Variants in RGS17 observed in about 807,000 individuals in gnomAD.
RGS17 encodes the protein regulator of G-protein signaling 17.
In RGS17, 12 loss-of-function variants were observed where a neutral mutation model predicts 25.5. That is an observed-to-expected ratio of 0.47 (90% CI 0.30 to 0.76). The LOEUF (loss-of-function observed/expected upper bound fraction) is 0.76, where lower values mean the gene tolerates loss of function less well. Ranked by LOEUF, RGS17 falls within the 30% of genes least tolerant of loss-of-function variation. RGS17 has a pLI of 0.07. For missense variants in RGS17, 196 were observed against 242.2 expected (o/e 0.81, Z 1.27); for synonymous variants, 71 against 76.9 (o/e 0.92, Z 0.40).
Position 153,007,942 on chromosome 6 carries a change from G to C in RGS17, c.*3632C>G, listed in dbSNP as rs1417984265. 1 of 151,972 alleles carries C rather than the reference G, an allele frequency of 6.6e-6. No individual in the cohort carries two copies. Among genetic ancestry groups the C allele is most frequent in the Non-Finnish European group, 1.5e-5 (1 of 67,954 alleles). 9.4% of individuals were successfully genotyped at this position (151,972 alleles called of 1,614,324 possible). A position where few individuals can be genotyped will look rare whatever the true frequency, so the allele number is the denominator to read the frequency against. On this transcript the variant is annotated 3_prime_UTR_variant, in exon 5 of 5. Transcript: ENST00000206262. ...CGTTTTATTTTTGACTTTTTTGATT[G>C]TATTTTAAATTCCTTCTCTTTTACA...
chr6:153,122,054 G>T (rs1444002745), intron 1 of RGS17, among the ~76,000 whole-genome samples: 1 of 152,162 alleles, frequency 6.6e-6, no homozygotes. Context: ...CGTATTGAAT[G>T]ATATTATACT....
At chr6:153,020,128 ATATATATATATTTTTTTTTTTTTTTTTTT>A (rs1779229686) in intron 4 of RGS17, among the ~76,000 whole-genome samples, 1 of 93,130 alleles carries the variant, frequency 1.1e-5, no homozygotes, top group African/African-American at 4.2e-5. Flanking sequence ...ATATATATAT[ATATATATATATTTTTTTTTTTTTTTTTTT>A]TTTTTTTTTT....
chr6:153,073,643 T>C (rs1776838171), intron 1 of RGS17, among the ~76,000 whole-genome samples: 1 of 152,090 alleles, frequency 6.6e-6, no homozygotes, highest in African/African-American at 2.4e-5. Flanking sequence ...CAGAGAGGGA[T>C]GGGTGGAGAG....
At chr6:153,082,002 G>C (rs1776993885) in intron 1 of RGS17, among the ~76,000 whole-genome samples, 1 of 152,072 alleles carries the variant, frequency 6.6e-6, no homozygotes, top group South Asian at 2.1e-4. Context: ...CGATAGATTG[G>C]GGAGAATATA....
intron 1 of RGS17, among the ~76,000 whole-genome samples, chr6:153,062,831 T>G (rs1422034063): frequency 6.6e-6 from 1 of 151,832 alleles, no homozygotes; most frequent in Non-Finnish European, 1.5e-5. Flanking sequence ...CTAATCGGAG[T>G]CATGAGGTGC....
At chr6:153,054,096 A>ATATATGTGTG (rs1554238280) in intron 1 of RGS17, among the ~76,000 whole-genome samples, 3 of 77,022 alleles carry the variant, frequency 3.9e-5, no homozygotes, top group African/African-American at 2.1e-4. Context: ...TATTTTTTAT[A>ATATATGTGTG]TATATATATA....
At chr6:153,060,274 C>G (rs576670338) in intron 1 of RGS17, among the ~76,000 whole-genome samples, 1 of 152,220 alleles carries the variant, frequency 6.6e-6, no homozygotes, top group Non-Finnish European at 1.5e-5. Context: ...AGTGTTCACA[C>G]ATAGTACTGT....
At chr6:153,053,689 A>T in intron 1 of RGS17, among the ~76,000 whole-genome samples, 1 of 151,492 alleles carries the variant, frequency 6.6e-6, no homozygotes, top group African/African-American at 2.4e-5. Context: ...GCTACTTGGG[A>T]AGCTGAGGTA....
intron 2 of RGS17, among the ~76,000 whole-genome samples, chr6:153,031,282 A>G (rs1261552752): frequency 5.3e-5 from 8 of 152,266 alleles, no homozygotes; most frequent in Admixed American, 5.2e-4. Context: ...GATGTAAAAC[A>G]AAAAATAAAA....
In RGS17 at chr6:153,123,325, G is replaced by A. The variant is rs542111463; in HGVS notation, c.-26+7799C>T. On this transcript the variant is annotated intron_variant, in intron 1 of 4. Transcript: ENST00000206262. Reference sequence around the variant, plus strand: ...ATACATTTTTACTTATTAAGAGCCCGGTCAAAGATTTAATGACAAGAATGT... The same window carrying A: ...ATACATTTTTACTTATTAAGAGCCCAGTCAAAGATTTAATGACAAGAATGT... Among the ~76,000 whole-genome samples the A allele has an allele frequency of 9.9e-5, 15 of 152,126 alleles. No homozygotes were observed. The South Asian group carries it at 2.3e-3, about 23-fold the overall frequency.
intron 2 of RGS17, among the ~76,000 whole-genome samples, chr6:153,029,179 G>C (rs1008388756): frequency 4.6e-5 from 7 of 152,212 alleles, no homozygotes; most frequent in African/African-American, 1.7e-4. Flanking sequence ...ACTATTCACT[G>C]TGCAGCTCTT....
chr6:153,039,488 G>A (rs571570881), intron 2 of RGS17, among the ~76,000 whole-genome samples: 19 of 152,210 alleles, frequency 1.2e-4, no homozygotes, highest in Middle Eastern at 3.4e-3. Flanking sequence ...AGAGGGCAAC[G>A]TAAACATTTT....
Position 153,026,464 on chromosome 6 carries a change from G to A in RGS17, c.199C>T (p.Leu67=). The part of the protein sequence containing the change: ...HTTKMESIQV[L]EECQNPTAEE... ...GGTTCTCACACTCACCATTCCTCTAGGACCTGGATACTCTCCATTTTTGTA... is the reference window on the plus strand; with the variant it reads ...GGTTCTCACACTCACCATTCCTCTAAGACCTGGATACTCTCCATTTTTGTA... Residue 67 remains leucine (L), a synonymous_variant, in exon 3 of 5, where the codon CTA becomes TTA. Transcript: ENST00000206262. 1 of 1,611,412 alleles carries A rather than the reference G, an allele frequency of 6.2e-7. No homozygotes were observed. Among genetic ancestry groups the A allele is most frequent in the Non-Finnish European group, 8.5e-7 (1 of 1,178,130 alleles).
intron 4 of RGS17, among the ~76,000 whole-genome samples, chr6:153,020,111 A>AAAATATATATATATAT (rs1426592195): frequency 1.0e-4 from 6 of 58,452 alleles, no homozygotes; most frequent in Non-Finnish European, 1.2e-4. Context: ...AAAAAAAAAA[A>AAAATATATATATATAT]ATATATATAT....
rs374443917 is a variant in RGS17, at chr6:153,111,061, C to A, written c.-26+20063G>T. Among the ~76,000 whole-genome samples, 321 of 151,900 alleles carry A rather than the reference C, an allele frequency of 2.1e-3. 1 individual carries two copies. Among genetic ancestry groups the A allele is most frequent in the African/African-American group, 7.2e-3 (300 of 41,476 alleles). On this transcript the variant is annotated intron_variant, in intron 1 of 4. Coordinates refer to ENST00000206262, the MANE Select transcript of RGS17 (RefSeq NM_012419.5). ...GCAGGAGTGTTTTTTTTTTTCATAC[C>A]CCAGCAGTGCCTGGAATGCCAGTGA... is the stretch of plus-strand genomic sequence containing the variant.
intron 2 of RGS17, among the ~76,000 whole-genome samples, chr6:153,030,233 T>G (rs1779346452): frequency 6.6e-6 from 1 of 151,862 alleles, no homozygotes; most frequent in Admixed American, 6.6e-5. Context: ...GACAGTGGAG[T>G]GAGAAAAAAC....
chr6:153,070,507 T>G (rs1776772737), intron 1 of RGS17, among the ~76,000 whole-genome samples: 1 of 151,560 alleles, frequency 6.6e-6, no homozygotes. Context: ...AACAGTGGAT[T>G]TGATCTGATC....
intron 1 of RGS17, among the ~76,000 whole-genome samples, chr6:153,090,115 G>A (rs1233410912): frequency 2.0e-5 from 3 of 152,030 alleles, no homozygotes; most frequent in Non-Finnish European, 4.4e-5. Flanking sequence ...TGATGTTAAG[G>A]AAACCGATCA....
At chr6:153,103,501 C>T (rs1777335940) in intron 1 of RGS17, among the ~76,000 whole-genome samples, 1 of 152,104 alleles carries the variant, frequency 6.6e-6, no homozygotes, top group Non-Finnish European at 1.5e-5. Flanking sequence ...TCCTAGCAAC[C>T]ATATTATGTT....
Sources: gnomAD v4.1 joint callset for allele counts (sites outside exome capture counted in the v4.1 genomes callset) on GRCh38, gnomAD v4.1.1 for gene constraint, MANE v1.5 for transcripts, NCBI Gene and HGNC (gene_info 2026-07-23, HGNC 2026-07-21) for gene names.